The following MXRA7 variants were observed in gnomAD, a reference collection of about 807,000 sequenced individuals.
MXRA7 encodes matrix remodeling associated 7.
In MXRA7, 18 loss-of-function variants were observed where a neutral mutation model predicts 17.4. That is an observed-to-expected ratio of 1.03 (90% CI 0.71 to 1.53). The LOEUF is 1.53. Among genes scored for constraint, MXRA7 ranks in the 40% most tolerant of loss-of-function variants. The pLI, the probability that MXRA7 is intolerant of heterozygous loss-of-function variation, is 0.00. For synonymous variants in MXRA7, 70 were observed against 101.7 expected, an observed-to-expected ratio of 0.69 and a Z score of 1.87; for missense variants, 141 against 209.3, an observed-to-expected ratio of 0.67 and a Z score of 2.01.
At chr17:76,694,860 G>A (rs967987285) in intron 1 of MXRA7, among the ~76,000 whole-genome samples, 1 of 152,052 alleles carries the variant, frequency 6.6e-6, no homozygotes, top group Non-Finnish European at 1.5e-5. Flanking sequence ...TCTGGCTGTG[G>A]TGTTTTACTT....
intron 1 of MXRA7, among the ~76,000 whole-genome samples, chr17:76,696,860 G>A (rs2076537687): frequency 6.6e-6 from 1 of 152,206 alleles, no homozygotes; most frequent in Admixed American, 6.5e-5. Flanking sequence ...GTGCGACCAG[G>A]ATCATTTCCT....
Position 76,693,760 on chromosome 17 carries a change from G to C in MXRA7, c.343-5584C>G, listed in dbSNP as rs184767767. Among the ~76,000 whole-genome samples, 43 of 152,206 alleles carry C rather than the reference G, an allele frequency of 2.8e-4. No homozygotes were observed. In the East Asian group the frequency reaches 7.5e-3, roughly 27 times the overall value. On this transcript the variant is annotated intron_variant, in intron 1 of 3. Coordinates refer to ENST00000449428, the MANE Select transcript of MXRA7 (RefSeq NM_198530.4). ...TGAGGCTGAGGTGGGAGGATCACTT[G>C]AGCCCAGGAGGTCAAGGCTGCAGTG...
At chr17:76,702,891 C>G (rs993835269) in intron 1 of MXRA7, among the ~76,000 whole-genome samples, 2 of 53,120 alleles carry the variant, frequency 3.8e-5, no homozygotes, top group Non-Finnish European at 9.0e-5. Flanking sequence ...ATATATATAT[C>G]TTGAGGAGGC....
intron 1 of MXRA7, 28 bp downstream of exon 1, chr17:76,710,577 A>T: frequency 7.9e-7 from 1 of 1,271,296 alleles, no homozygotes; most frequent in East Asian, 3.4e-5. Context: ...GGGGGTGGGG[A>T]GGGGGCCGCG....
chr17:76,688,076 T>C (rs1317633001), intron 2 of MXRA7, 37 bp downstream of exon 2: 1 of 1,508,494 alleles, frequency 6.6e-7, no homozygotes, highest in Non-Finnish European at 9.0e-7. Context: ...CCCCCGACAC[T>C]GTCAGGCCCC....
chr17:76,674,784 C>G (rs567129181), downstream of MXRA7: 1 of 152,352 alleles, frequency 6.6e-6, no homozygotes, highest in South Asian at 2.1e-4. Flanking sequence ...AACATGGGCA[C>G]GTGCCATATT....
intron 1 of MXRA7, among the ~76,000 whole-genome samples, chr17:76,700,285 T>C (rs1363016509): frequency 1.3e-5 from 2 of 152,116 alleles, no homozygotes; most frequent in East Asian, 3.9e-4. Flanking sequence ...ATCCAGTGTT[T>C]TAGAAAATGT....
intron 2 of MXRA7, among the ~76,000 whole-genome samples, chr17:76,685,682 C>T (rs1023447621): frequency 3.3e-5 from 5 of 152,230 alleles, no homozygotes; most frequent in African/African-American, 1.2e-4. Flanking sequence ...GCTGAAGAGG[C>T]AGAGCCCGAT....
At chr17:76,678,726 C>T (rs1427123964), downstream of MXRA7, among the ~76,000 whole-genome samples, 1 of 152,204 alleles carries the variant, frequency 6.6e-6, no homozygotes, top group Non-Finnish European at 1.5e-5. Context: ...CAGCATAGCC[C>T]TGGGCCACTG....
At chr17:76,710,463 T>C (rs1003970534) in intron 1 of MXRA7, 142 bp downstream of exon 1, 8 of 663,984 alleles carry the variant, frequency 1.2e-5, no homozygotes, top group African/African-American at 1.1e-4. Flanking sequence ...GGACCTGCAT[T>C]TCCTGCGGGC....
In MXRA7 at chr17:76,704,142, C is replaced by T. The variant is rs200241536; in HGVS notation, c.342+6463G>A. ...GAAGATAGCATTGCTTCTACCACCC[C>T]GCAGCAGGGAATAGAATGACTAGAA... On this transcript the variant is annotated intron_variant, in intron 1 of 3. Coordinates refer to ENST00000449428, the MANE Select transcript of MXRA7 (RefSeq NM_198530.4). Among the ~76,000 whole-genome samples, 14 of 151,208 alleles carry T rather than the reference C, an allele frequency of 9.3e-5. No individual in the cohort carries two copies. In the East Asian group the frequency reaches 2.5e-3, roughly 27 times the overall value.
chr17:76,678,677 G>T (rs879020937), downstream of MXRA7, among the ~76,000 whole-genome samples: 1 of 152,144 alleles, frequency 6.6e-6, no homozygotes, highest in African/African-American at 2.4e-5. Context: ...CAGCTGGGTC[G>T]GCTGTAAGCA....
intron 1 of MXRA7, among the ~76,000 whole-genome samples, chr17:76,702,042 A>G (rs927859019): frequency 4.6e-5 from 7 of 152,240 alleles, no homozygotes; most frequent in African/African-American, 1.7e-4. Flanking sequence ...CTATCAGGGA[A>G]TATCAGGTCG....
intron 1 of MXRA7, among the ~76,000 whole-genome samples, chr17:76,706,197 GAGGCCCACGCTGCCA>G (rs2076654513): frequency 3.1e-4 from 33 of 104,978 alleles, no homozygotes; most frequent in South Asian, 1.4e-3. Context: ...TGCCATCACA[GAGGCCCACGCTGCCA>G]TCACAAAGGC....
downstream of MXRA7, among the ~76,000 whole-genome samples, chr17:76,679,221 C>T (rs2076266237): frequency 6.7e-6 from 1 of 150,082 alleles, no homozygotes; most frequent in African/African-American, 2.5e-5. Context: ...CCACGAGGTC[C>T]AGGCCACAGT....
At chr17:76,698,712 GTTTTTTTTTTTTTTTTT>G (rs3078394) in intron 1 of MXRA7, among the ~76,000 whole-genome samples, 1 of 54,884 alleles carries the variant, frequency 1.8e-5, no homozygotes, top group Admixed American at 2.7e-4. Context: ...CTTCCTTTCT[GTTTTTTTTTTTTTTTTT>G]TTTTTTTTTT....
downstream of MXRA7, among the ~76,000 whole-genome samples, chr17:76,678,836 G>A (rs1047627629): frequency 3.3e-5 from 5 of 151,942 alleles, no homozygotes; most frequent in African/African-American, 1.2e-4. Flanking sequence ...CCTCAGCCCC[G>A]CATCTTCCAT....
In MXRA7 at chr17:76,708,445, T is replaced by C. The variant is rs1274135294; in HGVS notation, c.342+2160A>G. Among the ~76,000 whole-genome samples the C allele has an allele frequency of 3.3e-5, 5 of 152,282 alleles. No individual in the cohort carries two copies. The East Asian group carries it at 7.7e-4, about 24-fold the overall frequency. On this transcript the variant is annotated intron_variant, in intron 1 of 3. Transcript: ENST00000449428. Reference sequence around the variant, plus strand: ...GGGAGAAGGAGGCTGGCAGAGGGCATAGCCCCACTTCCCAACCCTGATTTG... The same window carrying C: ...GGGAGAAGGAGGCTGGCAGAGGGCACAGCCCCACTTCCCAACCCTGATTTG...
chr17:76,708,797 G>A (rs972783111), intron 1 of MXRA7, among the ~76,000 whole-genome samples: 1 of 152,096 alleles, frequency 6.6e-6, no homozygotes, highest in Non-Finnish European at 1.5e-5. Flanking sequence ...AAAGGGGAAG[G>A]GCACTGACTT....
Sources: gnomAD v4.1 joint callset for allele counts (sites outside exome capture counted in the v4.1 genomes callset) on GRCh38, gnomAD v4.1.1 for gene constraint, MANE v1.5 for transcripts, NCBI Gene and HGNC (gene_info 2026-07-23, HGNC 2026-07-21) for gene names.